The following NCAM2 variants were observed in gnomAD, a reference collection of about 807,000 sequenced individuals.
NCAM2 encodes the protein N-CAM-2.
A neutral mutation model predicts 98.1 loss-of-function variants in NCAM2; 30 were observed. The observed-to-expected ratio is 0.31, with a 90% CI of 0.23 to 0.41. The LOEUF is 0.41. Ranked by LOEUF, NCAM2 falls within the 10% of genes least tolerant of loss-of-function variation. The pLI, the probability that NCAM2 is intolerant of heterozygous loss-of-function variation, is 1.00. For missense variants in NCAM2, 867 were observed against 1,005.8 expected, an observed-to-expected ratio of 0.86 and a Z score of 1.87; for synonymous variants, 368 against 342.4, an observed-to-expected ratio of 1.07 and a Z score of -0.83.
chr21:21,283,282 C>A (rs1044018115), intron 2 of NCAM2, among the ~76,000 whole-genome samples: 1 of 151,910 alleles, frequency 6.6e-6, no homozygotes, highest in Non-Finnish European at 1.5e-5. Flanking sequence ...AGAGGTCCTG[C>A]AGATGTTAGT....
intron 12 of NCAM2, among the ~76,000 whole-genome samples, chr21:21,442,998 C>G (rs553902993): frequency 6.6e-6 from 1 of 152,228 alleles, no homozygotes; most frequent in South Asian, 2.1e-4. Context: ...CCTGCTTTCT[C>G]TTGTGGGCAT....
intron 1 of NCAM2, among the ~76,000 whole-genome samples, chr21:21,027,516 T>C (rs1479705406): frequency 6.6e-6 from 1 of 152,232 alleles, no homozygotes; most frequent in African/African-American, 2.4e-5. Flanking sequence ...GAGGTAATAC[T>C]AATACAGCAC....
chr21:21,447,326 C>T (rs1297932264), intron 12 of NCAM2, among the ~76,000 whole-genome samples: 1 of 152,018 alleles, frequency 6.6e-6, no homozygotes, highest in Non-Finnish European at 1.5e-5. Context: ...ATAAATGGTG[C>T]TGGGAAAACT....
chr21:21,157,300 G>C (rs964883033), intron 1 of NCAM2, among the ~76,000 whole-genome samples: 1 of 152,142 alleles, frequency 6.6e-6, no homozygotes. Flanking sequence ...ACACTTTGCT[G>C]TGCTCTAGGC....
intron 1 of NCAM2, among the ~76,000 whole-genome samples, chr21:21,124,832 A>G (rs1569048343): frequency 6.6e-6 from 1 of 152,158 alleles, no homozygotes; most frequent in African/African-American, 2.4e-5. Flanking sequence ...GTATGTTACC[A>G]TTTTTACAAA....
At chr21:21,491,752 G>T (rs922131943) in intron 15 of NCAM2, among the ~76,000 whole-genome samples, 4 of 151,318 alleles carry the variant, frequency 2.6e-5, no homozygotes, top group Non-Finnish European at 5.9e-5. Flanking sequence ...AGTCCAAAAT[G>T]TATATTTTAA....
intron 9 of NCAM2, among the ~76,000 whole-genome samples, chr21:21,379,494 A>G (rs2076105001): frequency 6.6e-6 from 1 of 152,040 alleles, no homozygotes; most frequent in South Asian, 2.1e-4. Context: ...ATAATTTTCC[A>G]TTTGATTTCA....
intron 1 of NCAM2, among the ~76,000 whole-genome samples, chr21:21,187,248 CA>C (rs1326484547): frequency 6.6e-6 from 1 of 151,892 alleles, no homozygotes; most frequent in Non-Finnish European, 1.5e-5. Flanking sequence ...AACAAACAAA[CA>C]AAAAACCCTG....
intron 1 of NCAM2, among the ~76,000 whole-genome samples, chr21:21,115,956 T>TG (rs2146543826): frequency 2.2e-5 from 1 of 46,168 alleles, no homozygotes; most frequent in South Asian, 1.4e-3. Context: ...TCTCTGAGAT[T>TG]TTGTGTGTGT....
At chr21:21,011,419 T>C (rs887854584) in intron 1 of NCAM2, among the ~76,000 whole-genome samples, 1 of 151,976 alleles carries the variant, frequency 6.6e-6, no homozygotes, top group African/African-American at 2.4e-5. Flanking sequence ...GCTTCAGGTT[T>C]TTATCATTTT....
chr21:21,254,784 G>A (rs776309601), intron 1 of NCAM2, among the ~76,000 whole-genome samples: 3 of 152,108 alleles, frequency 2.0e-5, no homozygotes, highest in Non-Finnish European at 2.9e-5. Context: ...TCACCTCGGC[G>A]ATAGGGTTAT....
intron 15 of NCAM2, among the ~76,000 whole-genome samples, chr21:21,503,654 A>G (rs571051768): frequency 6.6e-6 from 1 of 152,062 alleles, no homozygotes; most frequent in East Asian, 1.9e-4. Context: ...AGACATTTGA[A>G]TGAAGCTTGG....
chr21:21,280,407 A>G (rs996409058), intron 1 of NCAM2, among the ~76,000 whole-genome samples, 171 bp from the exon 2 acceptor site: 2 of 152,182 alleles, frequency 1.3e-5, no homozygotes, highest in African/African-American at 4.8e-5. Flanking sequence ...TAACAAAGTA[A>G]TATGTATAAT....
At chr21:21,297,379 T>C (rs2073525836) in intron 5 of NCAM2, among the ~76,000 whole-genome samples, 1 of 151,704 alleles carries the variant, frequency 6.6e-6, no homozygotes, top group Admixed American at 6.6e-5. Flanking sequence ...TATTAAACTT[T>C]TTATTGGATC....
intron 8 of NCAM2, among the ~76,000 whole-genome samples, chr21:21,350,575 C>T (rs2075307835): frequency 6.6e-6 from 1 of 152,088 alleles, no homozygotes; most frequent in Admixed American, 6.6e-5. Context: ...TTGAACTGTG[C>T]ATATGAATAC....
chr21:21,082,047 A>G (rs8132432), intron 1 of NCAM2, among the ~76,000 whole-genome samples: 51,194 of 150,346 alleles, frequency 0.34, 10,739 homozygotes, highest in African/African-American at 0.6. Context: ...GACCAACAAG[A>G]TGAAACCCCA....
intron 1 of NCAM2, among the ~76,000 whole-genome samples, chr21:21,087,568 C>G (rs953317137): frequency 6.6e-6 from 1 of 152,154 alleles, no homozygotes; most frequent in Non-Finnish European, 1.5e-5. Flanking sequence ...TCTTCTGTAG[C>G]TTGCCCAAAA....
At chr21:21,367,264 A>G (rs2075810553) in intron 8 of NCAM2, among the ~76,000 whole-genome samples, 1 of 151,936 alleles carries the variant, frequency 6.6e-6, no homozygotes, top group South Asian at 2.1e-4. Context: ...TAGGGGGTAC[A>G]ACTAAAGTTT....
intron 1 of NCAM2, among the ~76,000 whole-genome samples, chr21:21,010,802 T>C (rs796804513): frequency 6.6e-6 from 1 of 152,072 alleles, no homozygotes; most frequent in South Asian, 2.1e-4. Flanking sequence ...AAGTGTAAAG[T>C]GTCATTACTA....
Sources: gnomAD v4.1 joint callset for allele counts (sites outside exome capture counted in the v4.1 genomes callset) on GRCh38, gnomAD v4.1.1 for gene constraint, MANE v1.5 for transcripts, NCBI Gene and HGNC (gene_info 2026-07-23, HGNC 2026-07-21) for gene names.